The following CDCA2 variants were observed in gnomAD, a reference collection of about 807,000 sequenced individuals.
The protein encoded by CDCA2 is cell division cycle-associated protein 2.
A neutral mutation model predicts 67.0 loss-of-function variants in CDCA2; 44 were observed. The observed-to-expected ratio is 0.66, with a 90% CI of 0.52 to 0.84. The LOEUF (loss-of-function observed/expected upper bound fraction) is 0.84, where lower values mean the gene tolerates loss of function less well. Ranked by LOEUF, CDCA2 falls within the 40% of genes least tolerant of loss-of-function variation. The pLI is 0.00. For missense variants in CDCA2, 1,253 were observed against 1,203.2 expected (o/e 1.04, Z -0.61); for synonymous variants, 447 against 418.7 (o/e 1.07, Z -0.82).
intron 7 of CDCA2, among the ~76,000 whole-genome samples, chr8:25,478,888 G>GTATATATATATATATA (rs71511103): frequency 1.5e-3 from 168 of 111,528 alleles, no homozygotes; most frequent in African/African-American, 6.2e-3. Context: ...TTGTGTGTGT[G>GTATATATATATATATA]TATATATATA....
chr8:25,485,213 G>T (rs200945166), intron 10 of CDCA2, among the ~76,000 whole-genome samples: 1,865 of 29,764 alleles, frequency 0.063, 126 homozygotes, highest in East Asian at 0.45. Flanking sequence ...TAATAATAAA[G>T]AAAAAGCATT....
rs1241856152 is a variant in CDCA2, at chr8:25,479,851, G to T, written c.821-62G>T. ...TTATCTTTGCAAATACTATATTTTTGGTCTAGAACAAACAGATTTAAGAGA... is the reference window on the plus strand; with the variant it reads ...TTATCTTTGCAAATACTATATTTTTTGTCTAGAACAAACAGATTTAAGAGA... On this transcript the variant is annotated intron_variant, in intron 7 of 14. Coordinates refer to ENST00000330560, the MANE Select transcript of CDCA2 (RefSeq NM_152562.4). The T allele has an allele frequency of 4.8e-6, 7 of 1,458,408 alleles. No individual in the cohort carries two copies. The African/African-American group carries it at 7.0e-5, about 15-fold the overall frequency. The allele number at this position is 1,458,408 out of a possible 1,614,324, so 90.3% of individuals were successfully genotyped here.
chr8:25,464,951 T>G (rs1802840144), intron 4 of CDCA2, among the ~76,000 whole-genome samples: 1 of 152,274 alleles, frequency 6.6e-6, no homozygotes, highest in Non-Finnish European at 1.5e-5. Flanking sequence ...CTTCACGATA[T>G]GAACTGCTTT....
intron 13 of CDCA2, among the ~76,000 whole-genome samples, chr8:25,502,044 C>T (rs1034671676): frequency 1.3e-5 from 2 of 152,062 alleles, no homozygotes; most frequent in Admixed American, 6.6e-5. Flanking sequence ...ACTACAGGTG[C>T]GCACCACCAC....
chr8:25,488,131 A>G (rs1267833415), intron 12 of CDCA2, among the ~76,000 whole-genome samples: 1 of 152,198 alleles, frequency 6.6e-6, no homozygotes, highest in African/African-American at 2.4e-5. Flanking sequence ...GTATAAACAT[A>G]TACTGTTATG....
intron 13 of CDCA2, among the ~76,000 whole-genome samples, chr8:25,501,738 G>A (rs143796460): frequency 1.2e-3 from 189 of 152,256 alleles, no homozygotes; most frequent in Non-Finnish European, 1.5e-3. Flanking sequence ...GTCATGGTGC[G>A]TGTGTATGGT....
chr8:25,467,111 T>A (rs2117484553), intron 5 of CDCA2, among the ~76,000 whole-genome samples: 1 of 150,890 alleles, frequency 6.6e-6, no homozygotes, highest in African/African-American at 2.4e-5. Flanking sequence ...ATCTGCTATA[T>A]TCTTTAACTC....
At chr8:25,481,817 A>C (rs905806426) in intron 8 of CDCA2, among the ~76,000 whole-genome samples, 26 of 152,270 alleles carry the variant, frequency 1.7e-4, no homozygotes, top group African/African-American at 5.1e-4. Flanking sequence ...ATCTAAAAGT[A>C]AACATGAGCT....
At chr8:25,463,948 C>T (rs1040791909) in intron 4 of CDCA2, among the ~76,000 whole-genome samples, 1 of 152,176 alleles carries the variant, frequency 6.6e-6, no homozygotes, top group African/African-American at 2.4e-5. Flanking sequence ...TTCCCTTAGA[C>T]CTCTTTCTCA....
intron 5 of CDCA2, 121 bp downstream of exon 5, chr8:25,466,446 A>G: frequency 1.1e-6 from 1 of 875,968 alleles, no homozygotes; most frequent in Non-Finnish European, 1.6e-6. Flanking sequence ...ATAAAGTGAG[A>G]CTAACATTAA....
intron 1 of CDCA2, 108 bp downstream of exon 1, chr8:25,459,581 C>G (rs1265241470): frequency 6.5e-6 from 1 of 153,888 alleles, no homozygotes; most frequent in Non-Finnish European, 1.4e-5. Flanking sequence ...AGGAGCTGCT[C>G]TGGGTGACCA....
At chr8:25,486,756 A>G (rs1041503895) in intron 11 of CDCA2, among the ~76,000 whole-genome samples, 2 of 152,104 alleles carry the variant, frequency 1.3e-5, no homozygotes, top group Admixed American at 1.3e-4. Context: ...CGGAGGTTGC[A>G]GTGAGCTGAG....
chr8:25,498,149 T>C (rs1804309765), intron 13 of CDCA2, among the ~76,000 whole-genome samples: 1 of 152,176 alleles, frequency 6.6e-6, no homozygotes, highest in South Asian at 2.1e-4. Context: ...ATTTGAACTT[T>C]GAGGAGATAC....
intron 13 of CDCA2, among the ~76,000 whole-genome samples, chr8:25,500,348 A>G (rs1013844868): frequency 6.7e-6 from 1 of 149,936 alleles, no homozygotes; most frequent in African/African-American, 2.5e-5. Context: ...CACTGGGTCT[A>G]TGCCCTACAA....
chr8:25,489,736 G>A (rs190889737), intron 13 of CDCA2, among the ~76,000 whole-genome samples: 1 of 152,198 alleles, frequency 6.6e-6, no homozygotes, highest in Non-Finnish European at 1.5e-5. Flanking sequence ...TTTGTTTTCT[G>A]TCCCCCATTG....
At chr8:25,462,252 GC>G in intron 4 of CDCA2, 44 bp downstream of exon 4, 2 of 1,586,948 alleles carry the variant, frequency 1.3e-6, no homozygotes, top group Non-Finnish European at 1.7e-6. Flanking sequence ...CGTTAATGAA[GC>G]TTTTGTGCTT....
chr8:25,468,507 C>A, intron 6 of CDCA2, 94 bp downstream of exon 6: 3 of 906,862 alleles, frequency 3.3e-6, no homozygotes, highest in Non-Finnish European at 5.1e-6. Context: ...AATTTTAGTA[C>A]CTTGTTCTGC....
rs115462158 is a variant in CDCA2, at chr8:25,468,323, G to A, written c.645G>A (p.Thr215=). Residue 215 remains threonine, a synonymous_variant, in exon 6 of 15, where the codon ACG becomes ACA. Coordinates refer to ENST00000330560, the MANE Select transcript of CDCA2 (RefSeq NM_152562.4). ...AGAGAGACTCTGATGAAAATCTGAC[G>A]GATGCTGAAGGAAAAGTAATTGGTC... The part of the protein sequence containing the change: ...SYQRDSDENL[T]DAEGKVIGLQ... 2.4e-4 allele frequency: 388 copies of A among 1,613,714 alleles called. No homozygotes were observed. The highest frequency in any genetic ancestry group is 1.2e-3 in the Middle Eastern group (7 of 6,056).
chr8:25,499,485 G>A (rs891216251), intron 13 of CDCA2, among the ~76,000 whole-genome samples: 1 of 151,562 alleles, frequency 6.6e-6, no homozygotes, highest in African/African-American at 2.4e-5. Context: ...TGTATTTTTG[G>A]TAGAGACGGG....
Sources: allele counts gnomAD v4.1 joint callset (sites outside exome capture counted in the v4.1 genomes callset), GRCh38; gene constraint gnomAD v4.1.1; transcripts MANE v1.5; gene names NCBI Gene and HGNC (gene_info 2026-07-23, HGNC 2026-07-21).